FRMPD1: variants seen among roughly 807,000 people sequenced by gnomAD.
FRMPD1 encodes FERM and PDZ domain-containing protein 1.
Under a neutral mutation model 117.8 loss-of-function variants are expected in FRMPD1, and 76 were observed. The observed-to-expected ratio is 0.65, with a 90% CI of 0.54 to 0.78. FRMPD1 has a LOEUF of 0.78. Among genes scored for constraint, FRMPD1 ranks in the 30% least tolerant of loss-of-function variants. The pLI, the probability that FRMPD1 is intolerant of heterozygous loss-of-function variation, is 0.00. For synonymous variants in FRMPD1, 783 were observed against 770.4 expected (o/e 1.02, Z -0.27); for missense variants, 1,786 against 1,964.5 (o/e 0.91, Z 1.72).
At chr9:37,626,628 A>AAAAAAAAAAAAAAAAAAAC in the FRMPD1 span, among the ~76,000 whole-genome samples, 1 of 135,788 alleles carries the variant, frequency 7.4e-6, no homozygotes, top group African/African-American at 2.8e-5. Context: ...ATCTGAAAAA[A>AAAAAAAAAAAAAAAAAAAC]AAAAAAAAAA....
At chr9:37,636,657 T>G in the FRMPD1 span, 1 of 1,425,140 alleles carries the variant, frequency 7.0e-7, no homozygotes. Context: ...TTGGAGAAGG[T>G]GCCCCCTCCT....
the FRMPD1 span, among the ~76,000 whole-genome samples, chr9:37,627,729 C>T: frequency 6.6e-6 from 1 of 152,210 alleles, no homozygotes; most frequent in East Asian, 1.9e-4. Flanking sequence ...TTTATTATGC[C>T]TTCCCCCAAG....
In FRMPD1 at chr9:37,735,607, G is replaced by A; in HGVS notation, c.1274G>A (p.Ser425Asn). ...ALLVGAKYGISQVINSKLNIM... is the reference protein window; with the variant it reads ...ALLVGAKYGINQVINSKLNIM... ...CTAGTTGGAGCCAAGTATGGGATTA[G>A]CCAGGTTATCAATAGCAAACTCAAC... is the stretch of plus-strand genomic sequence containing the variant. The change falls in exon 13 of 16, where the codon AGC becomes AAC. Residue 425 changes from serine (S) to asparagine (N), a missense_variant. Coordinates refer to ENST00000377765, the MANE Select transcript of FRMPD1 (RefSeq NM_014907.3). 1.2e-6 allele frequency: 2 copies of A among 1,613,900 alleles called. No individual in the cohort carries two copies. Among genetic ancestry groups the A allele is most frequent in the Non-Finnish European group, 1.7e-6 (2 of 1,179,776 alleles).
At chr9:37,710,502 A>T (rs977810895) in intron 4 of FRMPD1, among the ~76,000 whole-genome samples, 1 of 152,192 alleles carries the variant, frequency 6.6e-6, no homozygotes, top group African/African-American at 2.4e-5. Flanking sequence ...TATCTTGATT[A>T]TATGATTGGG....
the FRMPD1 span, among the ~76,000 whole-genome samples, chr9:37,613,573 A>G: frequency 6.6e-6 from 1 of 152,326 alleles, no homozygotes; most frequent in African/African-American, 2.4e-5. Context: ...CAGCGGAAAA[A>G]TATTTTAAAA....
Position 37,737,226 on chromosome 9 carries a change from G to C in FRMPD1, c.1532G>C (p.Arg511Pro). ...LWPGNKQQAH[R>P]VSAEEGYESR... The stretch of plus-strand genomic sequence containing the variant: ...CCTGGAAACAAACAACAAGCGCACC[G>C]GGTATCTGCAGAAGAAGGTGAGGCA... Residue 511 changes from arginine (R) to proline (P), a missense_variant, in exon 14 of 16, where the codon CGG (arginine) becomes CCG (proline). Arg to Pro is a moderately radical substitution (Grantham distance 103, BLOSUM62 -2). Coordinates refer to ENST00000377765, the MANE Select transcript of FRMPD1 (RefSeq NM_014907.3). 10 of 1,614,042 alleles carry C rather than the reference G, an allele frequency of 6.2e-6. No individual in the cohort carries two copies. The highest frequency in any genetic ancestry group is 7.6e-6 in the Non-Finnish European group (9 of 1,180,000).
At chr9:37,618,503 A>T in the FRMPD1 span, among the ~76,000 whole-genome samples, 1,132 of 152,308 alleles carry the variant, frequency 7.4e-3, 56 homozygotes, top group Admixed American at 0.065. Context: ...CTTTGGGCAC[A>T]TAAATTTCCC....
At chr9:37,657,260 G>A (rs1482120477) in intron 1 of FRMPD1, among the ~76,000 whole-genome samples, 1 of 152,178 alleles carries the variant, frequency 6.6e-6, no homozygotes, top group South Asian at 2.1e-4. Flanking sequence ...CACCTCCCCT[G>A]CCAGTTGAAA....
chr9:37,614,959 A>G, the FRMPD1 span, among the ~76,000 whole-genome samples: 1 of 152,174 alleles, frequency 6.6e-6, no homozygotes, highest in Admixed American at 6.5e-5. Flanking sequence ...AAGAAATTAA[A>G]AGAATGTTTA....
upstream of FRMPD1, among the ~76,000 whole-genome samples, chr9:37,647,460 C>T (rs139741764): frequency 1.9e-3 from 287 of 147,664 alleles, no homozygotes; most frequent in Middle Eastern, 3.5e-3. Context: ...TGCAGTGAGC[C>T]GAGATCGCGC....
At chr9:37,684,045 A>G (rs114977166) in intron 1 of FRMPD1, among the ~76,000 whole-genome samples, 1 of 150,936 alleles carries the variant, frequency 6.6e-6, no homozygotes, top group African/African-American at 2.4e-5. Flanking sequence ...GTTGGCGGGT[A>G]GGCAGGGCCA....
At chr9:37,709,985 C>T (rs916100201) in intron 4 of FRMPD1, among the ~76,000 whole-genome samples, 8 of 152,276 alleles carry the variant, frequency 5.3e-5, no homozygotes, top group Middle Eastern at 3.4e-3. Flanking sequence ...AATCCCAGGA[C>T]GCCTTACTTT....
chr9:37,664,879 G>T (rs949574936), intron 1 of FRMPD1, among the ~76,000 whole-genome samples: 8 of 152,166 alleles, frequency 5.3e-5, no homozygotes, highest in Non-Finnish European at 8.8e-5. Context: ...GATAGCTTTT[G>T]TGGGGGGCAA....
In FRMPD1 at chr9:37,708,465, A is replaced by G. The variant is rs1186173511; in HGVS notation, c.326A>G (p.Glu109Gly). ...CTCCAAATGAACAATGAGCCTGCTGAAGACCTTTCCTGGGAACGAGCAGTC... is the reference window on the plus strand; with the variant it reads ...CTCCAAATGAACAATGAGCCTGCTGGAGACCTTTCCTGGGAACGAGCAGTC... ...QILQMNNEPAEDLSWERAVDI... is the reference protein window; with the variant it reads ...QILQMNNEPAGDLSWERAVDI... The change falls in exon 4 of 16, where the codon GAA (glutamate) becomes GGA (glycine). Residue 109 changes from glutamate to glycine, a missense_variant. Glu to Gly is a moderately conservative substitution (Grantham distance 98). Coordinates refer to ENST00000377765, the MANE Select transcript of FRMPD1 (RefSeq NM_014907.3). The G allele has an allele frequency of 9.3e-6, 15 of 1,612,688 alleles. No homozygotes were observed. Among genetic ancestry groups the G allele is most frequent in the Non-Finnish European group, 9.3e-6 (11 of 1,178,734 alleles).
At chr9:37,713,388 A>T (rs1822982531) in intron 5 of FRMPD1, among the ~76,000 whole-genome samples, 1 of 152,144 alleles carries the variant, frequency 6.6e-6, no homozygotes, top group African/African-American at 2.4e-5. Flanking sequence ...AGGGTGGCGG[A>T]TAGCTTGAGC....
At chr9:37,708,358 C>A in intron 3 of FRMPD1, 41 bp from the exon 4 acceptor site, 2 of 1,258,674 alleles carry the variant, frequency 1.6e-6, no homozygotes, top group African/African-American at 1.5e-5. Flanking sequence ...AGTCTGGGTC[C>A]TCCCGGCATG....
chr9:37,622,880 A>G, the FRMPD1 span, among the ~76,000 whole-genome samples: 1 of 152,184 alleles, frequency 6.6e-6, no homozygotes, highest in African/African-American at 2.4e-5. Flanking sequence ...AACCTCTTCC[A>G]GGCCCTTGTT....
rs1188466033 is a variant in FRMPD1, at chr9:37,698,583, A to G, written c.101+5841A>G. ...TTTTTTTTTTTTTTTTTTTTTTGAG[A>G]TATAGTTTCCCTCTGTTGCCCAGGC... On this transcript the variant is annotated intron_variant, in intron 2 of 15. Coordinates refer to ENST00000377765, the MANE Select transcript of FRMPD1 (RefSeq NM_014907.3). Among the ~76,000 whole-genome samples the G allele has an allele frequency of 2.3e-4, 15 of 66,640 alleles. No homozygotes were observed. The East Asian group carries it at 5.9e-3, about 26-fold the overall frequency. The allele number at this position is 66,640 out of a possible 152,430, so 43.7% of individuals were successfully genotyped here.
chr9:37,708,849 A>G (rs1822808408), intron 4 of FRMPD1, among the ~76,000 whole-genome samples: 1 of 152,242 alleles, frequency 6.6e-6, no homozygotes, highest in South Asian at 2.1e-4. Flanking sequence ...ACGTTGTAAC[A>G]TATGCCAAAG....
Sources: gnomAD v4.1 joint callset for allele counts (sites outside exome capture counted in the v4.1 genomes callset) on GRCh38, gnomAD v4.1.1 for gene constraint, MANE v1.5 for transcripts, NCBI Gene and HGNC (gene_info 2026-07-23, HGNC 2026-07-21) for gene names.